ADAM11: variants seen among roughly 807,000 people sequenced by gnomAD.
ADAM11 encodes the protein ADAM metallopeptidase domain 11.
A neutral mutation model predicts 119.1 loss-of-function variants in ADAM11; 49 were observed. The ratio of observed to expected loss-of-function variants is 0.41; its 90% confidence interval spans 0.33 to 0.52. ADAM11 has a LOEUF of 0.52. ADAM11 is among the 20% of genes least tolerant of loss of function. The pLI, the probability that ADAM11 is intolerant of heterozygous loss-of-function variation, is 0.20. For synonymous variants in ADAM11, 364 were observed against 408.0 expected (o/e 0.89, Z 1.30); for missense variants, 777 against 1,047.5 (o/e 0.74, Z 3.56).
At chr17:44,764,936 G>A (rs2049429286) in intron 2 of ADAM11, among the ~76,000 whole-genome samples, 1 of 151,990 alleles carries the variant, frequency 6.6e-6, no homozygotes, top group South Asian at 2.1e-4. Flanking sequence ...GTCAGGCTCG[G>A]GGTGGGGTCC....
rs942026332 is a variant in ADAM11 at position 44,773,179 on chromosome 17, C to T, written c.826-82C>T. The T allele has an allele frequency of 1.3e-5, 20 of 1,584,994 alleles. No homozygotes were observed. Among genetic ancestry groups the T allele is most frequent in the Non-Finnish European group, 1.6e-5 (19 of 1,159,102 alleles). Reference sequence around the variant, plus strand: ...CACTGTCAGCCCCTGGCTCCCACTTCCTGGAGAGAACAGACAGGCCCTCCT... The same window carrying T: ...CACTGTCAGCCCCTGGCTCCCACTTTCTGGAGAGAACAGACAGGCCCTCCT... On this transcript the variant is annotated intron_variant, in intron 10 of 26. Coordinates refer to ENST00000200557, the MANE Select transcript of ADAM11 (RefSeq NM_002390.6). This position sits in a 1 kb window ranked among gnomAD's most constrained non-coding sequence, Gnocchi z 4.6.
intron 2 of ADAM11, among the ~76,000 whole-genome samples, chr17:44,767,531 G>T (rs1350581981): frequency 1.3e-5 from 2 of 152,076 alleles, no homozygotes; most frequent in African/African-American, 2.4e-5. Flanking sequence ...CCAGGGACAG[G>T]GTTGTGTCCC....
intron 26 of ADAM11, 48 bp downstream of exon 26, chr17:44,779,287 C>A: frequency 6.5e-7 from 1 of 1,549,964 alleles, no homozygotes; most frequent in Non-Finnish European, 8.6e-7. Context: ...CCACGTCATC[C>A]CTCCCGCTGT....
At chr17:44,764,673 G>A (rs1276573452) in intron 2 of ADAM11, among the ~76,000 whole-genome samples, 1 of 152,190 alleles carries the variant, frequency 6.6e-6, no homozygotes, top group African/African-American at 2.4e-5. Flanking sequence ...CCCTGCTTCT[G>A]ACTGTGTGAC....
chr17:44,780,633 G>A lies in ADAM11; in HGVS notation c.*879G>A, dbSNP rs1263432294. On this transcript the variant is annotated 3_prime_UTR_variant, in exon 27 of 27. Coordinates refer to ENST00000200557, the MANE Select transcript of ADAM11 (RefSeq NM_002390.6). ...TTTCAAGAAGGGTGATTCTGGGGCC[G>A]ACTCAGGGTTTAGGTGCCCCCTGGT... 1.8e-5 allele frequency: 3 copies of A among 169,746 alleles called. No individual in the cohort carries two copies. Among genetic ancestry groups the A allele is most frequent in the Non-Finnish European group, 2.5e-5 (2 of 80,342 alleles). 10.5% of individuals were successfully genotyped at this position (169,746 alleles called of 1,614,324 possible). A position where few individuals can be genotyped will look rare whatever the true frequency, so the allele number is the denominator to read the frequency against.
chr17:44,770,495 C>G (rs1048769343), intron 4 of ADAM11, among the ~76,000 whole-genome samples: 15 of 120,676 alleles, frequency 1.2e-4, no homozygotes, highest in Middle Eastern at 7.5e-3. Context: ...GTCTCCCCCC[C>G]CCCCGCCCCC....
intron 2 of ADAM11, among the ~76,000 whole-genome samples, chr17:44,766,349 T>C (rs955016753): frequency 1.3e-5 from 2 of 152,264 alleles, no homozygotes; most frequent in Non-Finnish European, 2.9e-5. Context: ...TGTGTGTCTG[T>C]AGGTCTGGGG....
intron 25 of ADAM11, among the ~76,000 whole-genome samples, chr17:44,778,970 T>C (rs1375898706): frequency 6.6e-6 from 1 of 152,104 alleles, no homozygotes; most frequent in South Asian, 2.1e-4. Flanking sequence ...ACCCCCTTAA[T>C]GTGCAGAGGA....
In ADAM11 at chr17:44,780,046, A is replaced by G; in HGVS notation, c.*292A>G. On this transcript the variant is annotated 3_prime_UTR_variant, in exon 27 of 27. Transcript: ENST00000200557. ...TAGCTTCCACCTCATGGATTGCCAC[A>G]GCTCAACTCGGGGGCGCCTGGAGGG... The G allele has an allele frequency of 1.5e-6, 1 of 688,546 alleles. No individual in the cohort carries two copies. Among genetic ancestry groups the G allele is most frequent in the South Asian group, 1.5e-5 (1 of 66,684 alleles). The allele number at this position is 688,546 out of a possible 1,614,324, so 42.7% of individuals were successfully genotyped here.
Position 44,759,179 on chromosome 17 carries a change from AC to A in ADAM11, c.-19del. The A allele has an allele frequency of 8.9e-7, 1 of 1,125,522 alleles. No individual in the cohort carries two copies. The highest frequency in any genetic ancestry group is 1.1e-6 in the Non-Finnish European group (1 of 914,056). The allele number at this position is 1,125,522 out of a possible 1,614,324, so 69.7% of individuals were successfully genotyped here. On this transcript the variant is annotated 5_prime_UTR_variant, in exon 1 of 27. Transcript: ENST00000200557. Reference sequence around the variant, plus strand: ...CGCCGCTGGCAGCCGCAGCCCCCGGACCGGGAGGAATGAGCGAGCCATGAGG... The same window carrying A: ...CGCCGCTGGCAGCCGCAGCCCCCGGACGGGAGGAATGAGCGAGCCATGAGG...
intron 26 of ADAM11, 46 bp downstream of exon 26, chr17:44,779,285 T>G (rs781763492): frequency 6.4e-7 from 1 of 1,551,808 alleles, no homozygotes. Flanking sequence ...GGCCACGTCA[T>G]CCCTCCCGCT....
chr17:44,765,073 G>A (rs1332241196), intron 2 of ADAM11, among the ~76,000 whole-genome samples: 10 of 152,158 alleles, frequency 6.6e-5, no homozygotes, highest in African/African-American at 2.4e-4. Context: ...CCCTGTAAAA[G>A]GAGGTGGCTC....
Position 44,773,573 on chromosome 17 carries a change from T to C in ADAM11, c.992+146T>C, listed in dbSNP as rs12450742. 1 of 982,532 alleles carries C rather than the reference T, an allele frequency of 1.0e-6. No individual in the cohort carries two copies. 60.9% of individuals were successfully genotyped at this position (982,532 alleles called of 1,614,324 possible). On this transcript the variant is annotated intron_variant, in intron 11 of 26. Coordinates refer to ENST00000200557, the MANE Select transcript of ADAM11 (RefSeq NM_002390.6). The surrounding 1 kb of genome is among the most constrained non-coding windows in gnomAD (Gnocchi z 4.6). ...CACCTGCCACCTACCCCCAGCCACATGCAACAGCTGGGCATCATCCCCTGA... is the reference window on the plus strand; with the variant it reads ...CACCTGCCACCTACCCCCAGCCACACGCAACAGCTGGGCATCATCCCCTGA...
Position 44,773,427 on chromosome 17 carries a change from C to G in ADAM11, c.992C>G (p.Ser331Trp). The G allele has an allele frequency of 6.2e-7, 1 of 1,612,426 alleles. No homozygotes were observed. Among genetic ancestry groups the G allele is most frequent in the Non-Finnish European group, 8.5e-7 (1 of 1,179,238 alleles). Residue 331 changes from serine to tryptophan, a missense_variant and splice_region_variant, in exon 11 of 27, where the codon TCG (serine) becomes TGG (tryptophan). By Grantham distance (177) the Ser-to-Trp change is radical. This residue lies in a region of ADAM11 where 147 missense variants were observed against 223.3 expected (regional missense o/e 0.66). Coordinates refer to ENST00000200557, the MANE Select transcript of ADAM11 (RefSeq NM_002390.6). This position sits in a 1 kb window ranked among gnomAD's most constrained non-coding sequence, Gnocchi z 4.6. The part of the protein sequence containing the change: ...PEPSDATHLF[S>W]GRTFQSTSSG... ...CCCAGTGATGCCACCCACCTCTTCTCGTGAGTCCCCCACCCTGCACCTCCT... is the reference window on the plus strand; with the variant it reads ...CCCAGTGATGCCACCCACCTCTTCTGGTGAGTCCCCCACCCTGCACCTCCT...
chr17:44,774,956 C>T (rs2049578246), intron 14 of ADAM11, among the ~76,000 whole-genome samples: 1 of 152,262 alleles, frequency 6.6e-6, no homozygotes, highest in African/African-American at 2.4e-5. Flanking sequence ...CTGCAGTGCG[C>T]ATCGTGGCCA....
At position 44,776,412 on chromosome 17, in the gene ADAM11, G is replaced by C. The variant is rs1378320451; in HGVS notation, c.1566+205G>C. Among the ~76,000 whole-genome samples the C allele has an allele frequency of 6.6e-6, 1 of 152,172 alleles. No homozygotes were observed. Among genetic ancestry groups the C allele is most frequent in the Non-Finnish European group, 1.5e-5 (1 of 68,028 alleles). ...TTCAATCATTAAACCAGAATGTATC[G>C]TCTGGCTGGTATTCCCAGCGCCTGG... On this transcript the variant is annotated intron_variant, in intron 18 of 26. Transcript: ENST00000200557. The surrounding 1 kb of genome is among the most constrained non-coding windows in gnomAD (Gnocchi z 5.2).
At chr17:44,769,864 GCTGGGGGT>G (rs1171832237) in intron 3 of ADAM11, 70 bp downstream of exon 3, 1 of 1,601,550 alleles carries the variant, frequency 6.2e-7, no homozygotes, top group Admixed American at 1.7e-5. Flanking sequence ...GGGCCTGGCT[GCTGGGGGT>G]CTGGGGGTTG....
chr17:44,780,401 G>T lies in ADAM11; in HGVS notation c.*647G>T, dbSNP rs900215678. 2.1e-5 allele frequency: 7 copies of T among 335,752 alleles called. No homozygotes were observed. Among genetic ancestry groups the T allele is most frequent in the African/African-American group, 1.5e-4 (7 of 45,984 alleles). 20.8% of individuals were successfully genotyped at this position (335,752 alleles called of 1,614,324 possible). A position where few individuals can be genotyped will look rare whatever the true frequency, so the allele number is the denominator to read the frequency against. ...GCTTGCCCCCGCTTAGCCCCGCTGA[G>T]CTTGGAGGAAGTATGAGTGCTGATT... On this transcript the variant is annotated 3_prime_UTR_variant, in exon 27 of 27. Transcript: ENST00000200557.
intron 25 of ADAM11, 132 bp from the exon 26 acceptor site, chr17:44,779,090 T>A (rs2049652815): frequency 1.7e-6 from 2 of 1,165,658 alleles, no homozygotes; most frequent in Non-Finnish European, 2.4e-6. Flanking sequence ...CTTACATTAG[T>A]GTCCAGGCCC....
Sources: allele counts gnomAD v4.1 joint callset (sites outside exome capture counted in the v4.1 genomes callset), GRCh38; gene constraint gnomAD v4.1.1; regional missense constraint gnomAD v4.1.1; non-coding constraint Gnocchi (gnomAD v3.1); transcripts MANE v1.5; gene names NCBI Gene and HGNC (gene_info 2026-07-23, HGNC 2026-07-21).